Variants in THSD4 observed in about 807,000 individuals in gnomAD.
THSD4 encodes the protein thrombospondin type 1 domain containing 4, also known as thrombospondin type-1 domain-containing protein 4.
A neutral mutation model predicts 119.0 loss-of-function variants in THSD4; 69 were observed. The observed-to-expected ratio is 0.58, with a 90% CI of 0.48 to 0.71. THSD4 has a LOEUF of 0.71. Among genes scored for constraint, THSD4 ranks in the 30% least tolerant of loss-of-function variants. THSD4 has a pLI of 0.00. For synonymous variants in THSD4, 524 were observed against 540.4 expected (o/e 0.97, Z 0.42); for missense variants, 1,393 against 1,391.1 (o/e 1.00, Z -0.02).
intron 5 of THSD4, among the ~76,000 whole-genome samples, chr15:71,249,390 A>C (rs770741261): frequency 8.7e-5 from 13 of 148,892 alleles, no homozygotes; most frequent in Non-Finnish European, 1.8e-4. Context: ...TGATTATAGA[A>C]AGTTGTTCTC....
chr15:71,154,771 C>G lies in THSD4; in HGVS notation c.30-92C>G, dbSNP rs1038058802. The G allele has an allele frequency of 8.5e-6, 11 of 1,290,716 alleles. No individual in the cohort carries two copies. In the East Asian group the frequency reaches 1.2e-4, roughly 14 times the overall value. The allele number at this position is 1,290,716 out of a possible 1,614,324, so 80.0% of individuals were successfully genotyped here. A position where few individuals can be genotyped will look rare whatever the true frequency, so the allele number is the denominator to read the frequency against. ...GGCCTGGGTTGGGCTGTTCCCCCCC[C>G]ATCCACTGATGAGATGGCGATGCTG... On this transcript the variant is annotated intron_variant, in intron 2 of 17. Coordinates refer to ENST00000261862, the MANE Select transcript of THSD4 (RefSeq NM_024817.3).
At chr15:71,649,019 T>C (rs1441671294) in intron 7 of THSD4, among the ~76,000 whole-genome samples, 4 of 152,342 alleles carry the variant, frequency 2.6e-5, no homozygotes, top group Middle Eastern at 3.4e-3. Flanking sequence ...TGAACATTCA[T>C]GTGTCTAGAA....
At chr15:71,376,525 T>G (rs987155512) in intron 6 of THSD4, among the ~76,000 whole-genome samples, 3 of 152,214 alleles carry the variant, frequency 2.0e-5, no homozygotes, top group Admixed American at 2.0e-4. Context: ...ATTCTGTGGT[T>G]GGGTCAGATC....
At chr15:71,381,166 TAATAAGGGA>T (rs2046223459) in intron 6 of THSD4, among the ~76,000 whole-genome samples, 1 of 152,164 alleles carries the variant, frequency 6.6e-6, no homozygotes, top group South Asian at 2.1e-4. Flanking sequence ...GCAGAACTTG[TAATAAGGGA>T]AACTTTAAGG....
chr15:71,398,328 G>GT (rs761375806), intron 6 of THSD4, among the ~76,000 whole-genome samples: 19 of 152,120 alleles, frequency 1.2e-4, no homozygotes, highest in Non-Finnish European at 2.6e-4. Context: ...GAAAGGAGGA[G>GT]TATAAAGCTA....
chr15:71,593,521 G>C (rs747959194), intron 7 of THSD4, among the ~76,000 whole-genome samples: 1 of 151,586 alleles, frequency 6.6e-6, no homozygotes, highest in African/African-American at 2.4e-5. Context: ...ACCCTAACTC[G>C]CTGGAGACAG....
At chr15:71,113,849 A>G (rs2040326322), upstream of THSD4, 1 of 152,202 alleles carries the variant, frequency 6.6e-6, no homozygotes, top group African/African-American at 2.4e-5. Flanking sequence ...AATGTACATA[A>G]CATAAAAATT....
intron 6 of THSD4, among the ~76,000 whole-genome samples, chr15:71,299,970 AAAAAAAAT>A (rs79655907): frequency 0.056 from 4,216 of 75,816 alleles, 70 homozygotes; most frequent in East Asian, 0.13. Flanking sequence ...CAAAAAAAAA[AAAAAAAAT>A]ATATATATAT....
At chr15:71,567,307 G>C (rs2140892524) in intron 7 of THSD4, among the ~76,000 whole-genome samples, 1 of 152,240 alleles carries the variant, frequency 6.6e-6, no homozygotes. Flanking sequence ...TCCTTTGGCA[G>C]GTGGTTCTAC....
chr15:71,529,099 G>A (rs917983431), intron 7 of THSD4, among the ~76,000 whole-genome samples: 2 of 152,142 alleles, frequency 1.3e-5, no homozygotes, highest in Admixed American at 1.3e-4. Flanking sequence ...CTCTCCATCT[G>A]CCAGGTGGAT....
At chr15:71,499,752 A>G (rs1053109418) in intron 7 of THSD4, among the ~76,000 whole-genome samples, 5 of 152,094 alleles carry the variant, frequency 3.3e-5, no homozygotes, top group African/African-American at 9.7e-5. Context: ...ACCATACAGT[A>G]TTTGTCTTTT....
chr15:71,654,489 G>A (rs2051151170), intron 7 of THSD4, among the ~76,000 whole-genome samples: 1 of 152,100 alleles, frequency 6.6e-6, no homozygotes, highest in African/African-American at 2.4e-5. Flanking sequence ...GAAACTGTTG[G>A]CCTGATTTCT....
chr15:71,740,347 A>T (rs2053211034), intron 11 of THSD4, among the ~76,000 whole-genome samples: 1 of 152,242 alleles, frequency 6.6e-6, no homozygotes, highest in South Asian at 2.1e-4. Flanking sequence ...ATCAAAATGT[A>T]TTATTATTGA....
At chr15:71,384,353 G>A (rs2046268692) in intron 6 of THSD4, among the ~76,000 whole-genome samples, 1 of 152,024 alleles carries the variant, frequency 6.6e-6, no homozygotes, top group Non-Finnish European at 1.5e-5. Flanking sequence ...ACTCCAGCCT[G>A]GGCAACGGTA....
intron 6 of THSD4, among the ~76,000 whole-genome samples, chr15:71,260,506 T>C (rs2044379982): frequency 6.6e-6 from 1 of 152,192 alleles, no homozygotes; most frequent in African/African-American, 2.4e-5. Flanking sequence ...ATATATTAAT[T>C]GGAACTCTTG....
intron 3 of THSD4, among the ~76,000 whole-genome samples, chr15:71,199,518 T>G (rs1596264432): frequency 3.8e-5 from 5 of 132,930 alleles, no homozygotes; most frequent in African/African-American, 6.1e-5. Flanking sequence ...GTGTGTGGGG[T>G]GTGTGTGGGG....
At chr15:71,373,795 G>T (rs1244312791) in intron 6 of THSD4, among the ~76,000 whole-genome samples, 1 of 152,178 alleles carries the variant, frequency 6.6e-6, no homozygotes, top group African/African-American at 2.4e-5. Flanking sequence ...CATCCTGAAG[G>T]TCACAGGCAG....
chr15:71,311,670 CT>C (rs372669625), intron 6 of THSD4, among the ~76,000 whole-genome samples: 169 of 152,300 alleles, frequency 1.1e-3, no homozygotes, highest in African/African-American at 3.8e-3. Context: ...TCATGTTTCC[CT>C]TTTATCCTTG....
intron 6 of THSD4, among the ~76,000 whole-genome samples, chr15:71,386,695 T>C (rs1444074805): frequency 6.6e-6 from 1 of 152,118 alleles, no homozygotes; most frequent in Non-Finnish European, 1.5e-5. Context: ...TTCTAAAACA[T>C]GATGGTTTGT....
Sources: gnomAD v4.1 joint callset for allele counts (sites outside exome capture counted in the v4.1 genomes callset) on GRCh38, gnomAD v4.1.1 for gene constraint, MANE v1.5 for transcripts, NCBI Gene and HGNC (gene_info 2026-07-23, HGNC 2026-07-21) for gene names.